The following FBN1 variants were observed in gnomAD, a reference collection of about 807,000 sequenced individuals.
FBN1 encodes the protein fibrillin 1.
A neutral mutation model predicts 365.1 loss-of-function variants in FBN1; 29 were observed. The observed-to-expected ratio is 0.08, with a 90% CI of 0.06 to 0.11. FBN1 has a LOEUF of 0.11. Among genes scored for constraint, FBN1 ranks in the 10% least tolerant of loss-of-function variants. The probability of loss-of-function intolerance (pLI) is 1.00; values close to 1 mark genes in which losing one functional copy is unlikely to be tolerated. For missense variants in FBN1, 2,476 were observed against 3,703.2 expected (o/e 0.67, Z 8.60); for synonymous variants, 1,210 against 1,270.5 (o/e 0.95, Z 1.01).
intron 9 of FBN1, among the ~76,000 whole-genome samples, chr15:48,522,771 A>G (rs1458902033): frequency 2.6e-5 from 4 of 152,230 alleles, no homozygotes; most frequent in Non-Finnish European, 5.9e-5. Flanking sequence ...GACAAACCAT[A>G]AAAGAAAATT....
At chr15:48,599,535 T>C (rs566637937) in intron 5 of FBN1, among the ~76,000 whole-genome samples, 12 of 137,796 alleles carry the variant, frequency 8.7e-5, no homozygotes, top group African/African-American at 4.0e-4. Context: ...CATCTTAAAG[T>C]AACAAAAAAA....
chr15:48,542,746 TC>T (rs2044066442), intron 6 of FBN1, among the ~76,000 whole-genome samples: 1 of 150,378 alleles, frequency 6.6e-6, no homozygotes, highest in South Asian at 2.1e-4. Context: ...TTGCAAAAGC[TC>T]CCCAAGATTA....
intron 6 of FBN1, among the ~76,000 whole-genome samples, chr15:48,579,031 G>GAAA (rs112980113): frequency 2.3e-5 from 3 of 131,060 alleles, no homozygotes; most frequent in African/African-American, 8.1e-5. Context: ...TAAAAAAGGG[G>GAAA]AAAAAAAAAA....
intron 6 of FBN1, among the ~76,000 whole-genome samples, chr15:48,554,515 T>TA (rs887801992): frequency 6.6e-6 from 1 of 152,092 alleles, no homozygotes; most frequent in Non-Finnish European, 1.5e-5. Flanking sequence ...TGGTGTCAGC[T>TA]AAAAAAATAT....
chr15:48,555,988 T>A (rs1459736355), intron 6 of FBN1, among the ~76,000 whole-genome samples: 1 of 152,234 alleles, frequency 6.6e-6, no homozygotes, highest in Non-Finnish European at 1.5e-5. Context: ...TAGAAGACTC[T>A]ATGCTAAAAG....
intron 6 of FBN1, among the ~76,000 whole-genome samples, chr15:48,561,802 T>C (rs2044223830): frequency 6.6e-6 from 1 of 152,152 alleles, no homozygotes; most frequent in Non-Finnish European, 1.5e-5. Flanking sequence ...ATACTGTCAA[T>C]ATACACAGCA....
chr15:48,416,297 G>A (rs1390516156), intron 63 of FBN1, among the ~76,000 whole-genome samples: 1 of 152,166 alleles, frequency 6.6e-6, no homozygotes, highest in Non-Finnish European at 1.5e-5. Context: ...ATGCTGATCT[G>A]GCAAAGGCTG....
chr15:48,478,168 C>T (rs1278554597), intron 32 of FBN1, among the ~76,000 whole-genome samples: 1 of 152,164 alleles, frequency 6.6e-6, no homozygotes, highest in East Asian at 1.9e-4. Context: ...AGAGGCCAAA[C>T]GTGAAGGCTA....
rs1037086229 is a variant in FBN1, at chr15:48,470,835, T to C, written c.4337-79A>G. On this transcript the variant is annotated intron_variant, in intron 35 of 65. Coordinates refer to ENST00000316623, the MANE Select transcript of FBN1 (RefSeq NM_000138.5). ...AACCTGCCAAATATAATTAGGCAAC[T>C]AATGTAAATACTAAGAAAATGCAGA... 9 of 1,471,590 alleles carry C rather than the reference T, an allele frequency of 6.1e-6. No individual in the cohort carries two copies. The East Asian group carries it at 2.0e-4, about 32-fold the overall frequency. 91.2% of individuals were successfully genotyped at this position (1,471,590 alleles called of 1,614,324 possible). A position where few individuals can be genotyped will look rare whatever the true frequency, so the allele number is the denominator to read the frequency against.
At position 48,464,142 on chromosome 15, in the gene FBN1, C is replaced by T. The variant is rs2043302272; in HGVS notation, c.4943-121G>A. ...TATAGGGTATTTTCAAATAAGATAA[C>T]GAAAATAGGTATTTCATTCATCCGT... is the stretch of plus-strand genomic sequence containing the variant. On this transcript the variant is annotated intron_variant, in intron 40 of 65. Coordinates refer to ENST00000316623, the MANE Select transcript of FBN1 (RefSeq NM_000138.5). 8.9e-6 allele frequency: 8 copies of T among 899,580 alleles called. 1 individual carries two copies. The Middle Eastern group carries it at 7.0e-4, about 79-fold the overall frequency. The allele number at this position is 899,580 out of a possible 1,614,324, so 55.7% of individuals were successfully genotyped here.
chr15:48,575,090 G>A (rs1255843637), intron 6 of FBN1, among the ~76,000 whole-genome samples: 2 of 152,214 alleles, frequency 1.3e-5, no homozygotes, highest in South Asian at 2.1e-4. Flanking sequence ...CGTGTGACAC[G>A]AAGTATAAAC....
Position 48,495,095 on chromosome 15 carries a change from T to C in FBN1, c.2677+28A>G, listed in dbSNP as rs759240424. On this transcript the variant is annotated intron_variant, in intron 22 of 65. Coordinates refer to ENST00000316623, the MANE Select transcript of FBN1 (RefSeq NM_000138.5). The stretch of plus-strand genomic sequence containing the variant: ...TTATGCAAAGACCATTGGAGTGGTA[T>C]AGGAACCACAGCATGGGTTTCTCTT... 3.1e-6 allele frequency: 5 copies of C among 1,613,630 alleles called. No individual in the cohort carries two copies. The South Asian group carries it at 4.4e-5, about 14-fold the overall frequency.
intron 2 of FBN1, among the ~76,000 whole-genome samples, chr15:48,624,598 A>G (rs1171907229): frequency 1.3e-5 from 2 of 152,258 alleles, no homozygotes; most frequent in Admixed American, 6.5e-5. Flanking sequence ...AGCATCTGAG[A>G]GGATATGGCC....
intron 29 of FBN1, among the ~76,000 whole-genome samples, chr15:48,485,808 T>C (rs945274682): frequency 3.9e-5 from 6 of 152,208 alleles, no homozygotes; most frequent in Non-Finnish European, 7.3e-5. Context: ...ACTAATAATT[T>C]CTATTCATTA....
chr15:48,641,478 A>G (rs961972098), intron 2 of FBN1: 9 of 152,284 alleles, frequency 5.9e-5, no homozygotes, highest in African/African-American at 1.9e-4. Context: ...CACCTGCCAC[A>G]TCAGAGAAAA....
At chr15:48,447,768 T>C (rs1352628681) in intron 46 of FBN1, among the ~76,000 whole-genome samples, 1 of 152,156 alleles carries the variant, frequency 6.6e-6, no homozygotes, top group East Asian at 1.9e-4. Context: ...AGATAAATGA[T>C]CTGTGATTCC....
chr15:48,516,490 A>G (rs2043804235), intron 10 of FBN1, 128 bp from the exon 11 acceptor site: 1 of 973,548 alleles, frequency 1.0e-6, no homozygotes, highest in Non-Finnish European at 1.6e-6. Flanking sequence ...TCACAGGTCA[A>G]CTGGAGAAAA....
At chr15:48,455,894 T>C (rs2043234577) in intron 44 of FBN1, among the ~76,000 whole-genome samples, 1 of 152,144 alleles carries the variant, frequency 6.6e-6, no homozygotes, top group Admixed American at 6.5e-5. Context: ...CTCTAAGGGG[T>C]AATAACCCTT....
At chr15:48,581,935 C>G (rs913554133) in intron 6 of FBN1, among the ~76,000 whole-genome samples, 6 of 152,152 alleles carry the variant, frequency 3.9e-5, no homozygotes, top group African/African-American at 1.4e-4. Context: ...TTCAATCTCA[C>G]TCTTTGCTAT....
Sources: allele counts gnomAD v4.1 joint callset (sites outside exome capture counted in the v4.1 genomes callset), GRCh38; gene constraint gnomAD v4.1.1; transcripts MANE v1.5; gene names NCBI Gene and HGNC (gene_info 2026-07-23, HGNC 2026-07-21).